SEPTIN12: variants seen among roughly 807,000 people sequenced by gnomAD.
SEPTIN12 encodes septin 12, also known as septin-12.
A neutral mutation model predicts 37.7 loss-of-function variants in SEPTIN12; 42 were observed. The observed-to-expected ratio is 1.11, with a 90% CI of 0.87 to 1.44. The LOEUF is 1.44. SEPTIN12 is among the 40% of genes most tolerant of loss of function. The pLI is 0.00. For synonymous variants in SEPTIN12, 254 were observed against 196.7 expected (o/e 1.29, Z -2.44); for missense variants, 613 against 479.2 (o/e 1.28, Z -2.61).
chr16:4,791,137 T>C (rs140501165), upstream of SEPTIN12, among the ~76,000 whole-genome samples: 90 of 152,310 alleles, frequency 5.9e-4, no homozygotes, highest in African/African-American at 2.0e-3. Context: ...AATCCTCCCA[T>C]GTGAGCGATG....
chr16:4,781,149 C>T (rs997496107), intron 7 of SEPTIN12, among the ~76,000 whole-genome samples: 6 of 151,928 alleles, frequency 3.9e-5, no homozygotes, highest in Admixed American at 2.6e-4. Flanking sequence ...GTCCCAGCTA[C>T]TCAGGAGGCT....
chr16:4,781,943 C>CTTTTTTTTTGTTTTTTT (rs2082376434), intron 7 of SEPTIN12, among the ~76,000 whole-genome samples: 1 of 47,450 alleles, frequency 2.1e-5, no homozygotes, highest in African/African-American at 1.1e-4. Flanking sequence ...CGTGCCCGGC[C>CTTTTTTTTTGTTTTTTT]TTTTTTTTTT....
intron 7 of SEPTIN12, 61 bp downstream of exon 7, chr16:4,783,401 G>A (rs536569399): frequency 8.3e-7 from 1 of 1,211,926 alleles, no homozygotes; most frequent in South Asian, 1.2e-5. Context: ...TGAGTCTTTG[G>A]ATGGAAAGGA....
At chr16:4,778,878 G>T (rs1056746986) in intron 8 of SEPTIN12, among the ~76,000 whole-genome samples, 2 of 151,572 alleles carry the variant, frequency 1.3e-5, no homozygotes, top group Non-Finnish European at 2.9e-5. Context: ...GGTGGCACAC[G>T]CCTGTAATCC....
At chr16:4,784,273 A>C in intron 4 of SEPTIN12, 2 of 585,670 alleles carry the variant, frequency 3.4e-6, no homozygotes, top group Middle Eastern at 4.6e-4. Context: ...TCTCGGCTTC[A>C]CTGTCTGTAA....
In SEPTIN12 at chr16:4,777,841, T is replaced by G. The variant is rs1190659094; in HGVS notation, c.1033A>C (p.Lys345Gln). The G allele has an allele frequency of 4.4e-6, 7 of 1,593,250 alleles. No homozygotes were observed. The highest frequency in any genetic ancestry group is 6.0e-6 in the Non-Finnish European group (7 of 1,170,802). The change falls in exon 10 of 10, where the codon AAG becomes CAG. Residue 345 changes from lysine to glutamine, a missense_variant. By Grantham distance (53) the Lys-to-Gln change is moderately conservative. Transcript: ENST00000268231. ...PGQLTTPRTF[K>Q]VCRGAHDDSD... ...TCGTCATGGGCCCCCCTGCAGACCT[T>G]GAAGGTCCGGGGGGTGGTCAGCTGT...
upstream of SEPTIN12, chr16:4,788,462 T>A (rs1293881598): frequency 6.6e-6 from 1 of 152,196 alleles, no homozygotes; most frequent in Non-Finnish European, 1.5e-5. Flanking sequence ...ACCCTTCTAA[T>A]CCCCACAATG....
rs374761398 is a variant in SEPTIN12 at position 4,778,569 on chromosome 16, G to A, written c.824-432C>T. On this transcript the variant is annotated intron_variant, in intron 8 of 9. Transcript: ENST00000268231. ...TAATCCCAGCAGTTTGGGAGGCTGA[G>A]TTGGGTGGATCACCTGAGGTCAGGA... Among the ~76,000 whole-genome samples, 37 of 152,212 alleles carry A rather than the reference G, an allele frequency of 2.4e-4. No homozygotes were observed. In the East Asian group the frequency reaches 5.2e-3, roughly 21 times the overall value.
chr16:4,790,738 G>A (rs1467895426), upstream of SEPTIN12, among the ~76,000 whole-genome samples: 10 of 152,298 alleles, frequency 6.6e-5, no homozygotes, highest in Admixed American at 2.0e-4. Flanking sequence ...GCAGTGAGCC[G>A]AGATCGTGCC....
intron 4 of SEPTIN12, among the ~76,000 whole-genome samples, chr16:4,785,118 C>T (rs530580739): frequency 6.5e-4 from 99 of 152,114 alleles, no homozygotes; most frequent in African/African-American, 2.3e-3. Context: ...AGCGTGTTGG[C>T]GGATGTCTGT....
chr16:4,785,932 G>A (rs770825354), intron 3 of SEPTIN12, 44 bp from the exon 4 acceptor site: 28 of 882,146 alleles, frequency 3.2e-5, no homozygotes, highest in African/African-American at 1.7e-4. Context: ...ACCCAGGTGG[G>A]ATGGGGTGGG....
intron 8 of SEPTIN12, among the ~76,000 whole-genome samples, chr16:4,778,509 G>C (rs1447975984): frequency 6.6e-6 from 1 of 152,204 alleles, no homozygotes; most frequent in East Asian, 1.9e-4. Flanking sequence ...CAATAGTATA[G>C]TATATTTCTG....
At chr16:4,786,987 GC>G (rs1225423757) in intron 2 of SEPTIN12, among the ~76,000 whole-genome samples, 1 of 151,836 alleles carries the variant, frequency 6.6e-6, no homozygotes, top group African/African-American at 2.4e-5. Flanking sequence ...CAATTCTCCT[GC>G]CTTAGCCTCC....
intron 2 of SEPTIN12, 83 bp downstream of exon 2, chr16:4,787,397 C>T: frequency 7.9e-7 from 1 of 1,268,294 alleles, no homozygotes; most frequent in Non-Finnish European, 1.1e-6. Context: ...GGAGGGGCGA[C>T]AGGCTGCCAA....
intron 1 of SEPTIN12, 65 bp downstream of exon 1, chr16:4,788,215 T>C: frequency 6.4e-6 from 1 of 155,346 alleles, no homozygotes. Context: ...GGAAGATGGC[T>C]GGGAGGGAGC....
intron 7 of SEPTIN12, among the ~76,000 whole-genome samples, chr16:4,781,722 G>A (rs575469285): frequency 1.4e-5 from 2 of 148,076 alleles, no homozygotes; most frequent in South Asian, 4.3e-4. Flanking sequence ...TCAGCTCACT[G>A]CAATCTCCAT....
At chr16:4,779,650 C>T in intron 8 of SEPTIN12, 40 bp downstream of exon 8, 3 of 1,307,024 alleles carry the variant, frequency 2.3e-6, no homozygotes, top group East Asian at 2.3e-5. Flanking sequence ...GGTTTCCAAA[C>T]TGACCCCACC....
At chr16:4,779,837 A>G in intron 7 of SEPTIN12, 51 bp from the exon 8 acceptor site, 7 of 1,287,168 alleles carry the variant, frequency 5.4e-6, no homozygotes, top group Non-Finnish European at 7.9e-6. Context: ...GCTGGGGAGA[A>G]GAGAAGAAAA....
chr16:4,781,169 G>A (rs1367263981), intron 7 of SEPTIN12, among the ~76,000 whole-genome samples: 1 of 150,718 alleles, frequency 6.6e-6, no homozygotes, highest in Non-Finnish European at 1.5e-5. Flanking sequence ...TGAGGCAGGA[G>A]AATCGCTTGA....
Sources: allele counts gnomAD v4.1 joint callset (sites outside exome capture counted in the v4.1 genomes callset), GRCh38; gene constraint gnomAD v4.1.1; transcripts MANE v1.5; gene names NCBI Gene and HGNC (gene_info 2026-07-23, HGNC 2026-07-21).